Variants in ADAMTSL1 observed in about 807,000 individuals in gnomAD.
ADAMTSL1 encodes ADAMTS-like protein 1.
Under a neutral mutation model 201.8 loss-of-function variants are expected in ADAMTSL1, and 126 were observed. The ratio of observed to expected loss-of-function variants is 0.62; its 90% CI spans 0.54 to 0.72. The LOEUF is 0.72. ADAMTSL1 is among the 30% of genes least tolerant of loss of function. The pLI is 0.00. For missense variants in ADAMTSL1, 2,679 were observed against 2,277.8 expected (o/e 1.18, Z -3.59); for synonymous variants, 1,121 against 903.4 (o/e 1.24, Z -4.32).
At chr9:18,316,615 G>C (rs1834406141) in intron 2 of ADAMTSL1, among the ~76,000 whole-genome samples, 1 of 152,118 alleles carries the variant, frequency 6.6e-6, no homozygotes, top group Admixed American at 6.5e-5. Context: ...AACAACTGCT[G>C]TTATCCTGTT....
chr9:17,957,659 C>A (rs1827982070), intron 1 of ADAMTSL1, among the ~76,000 whole-genome samples: 1 of 152,122 alleles, frequency 6.6e-6, no homozygotes. Flanking sequence ...CAGAATGTGA[C>A]CTTATTTGGA....
chr9:18,369,925 A>G (rs1298391020), intron 2 of ADAMTSL1, among the ~76,000 whole-genome samples: 1 of 152,204 alleles, frequency 6.6e-6, no homozygotes, highest in Admixed American at 6.5e-5. Flanking sequence ...CAAATACTAA[A>G]TGTTCTCACT....
At chr9:18,332,384 T>G (rs902391392) in intron 2 of ADAMTSL1, among the ~76,000 whole-genome samples, 4 of 152,188 alleles carry the variant, frequency 2.6e-5, no homozygotes, top group African/African-American at 9.6e-5. Flanking sequence ...ATTATCTGCA[T>G]GCCCCATTTT....
At chr9:18,611,314 G>A (rs777992748) in intron 4 of ADAMTSL1, among the ~76,000 whole-genome samples, 10 of 152,078 alleles carry the variant, frequency 6.6e-5, no homozygotes, top group Non-Finnish European at 1.2e-4. Context: ...ATTTTGTTTC[G>A]CATTCTCCAG....
chr9:18,387,634 AT>A (rs1225130636), intron 2 of ADAMTSL1, among the ~76,000 whole-genome samples: 1 of 151,446 alleles, frequency 6.6e-6, no homozygotes, highest in African/African-American at 2.4e-5. Context: ...GTTCTAGTTT[AT>A]TTATTTTCAT....
chr9:18,789,683 AACAG>A (rs1041853236), intron 19 of ADAMTSL1, among the ~76,000 whole-genome samples: 68 of 152,296 alleles, frequency 4.5e-4, no homozygotes, highest in African/African-American at 1.5e-3. Flanking sequence ...TAGATCAGGA[AACAG>A]ACAGATTCTT....
chr9:18,123,260 G>C (rs540417886), intron 1 of ADAMTSL1, among the ~76,000 whole-genome samples: 1 of 152,136 alleles, frequency 6.6e-6, no homozygotes, highest in Non-Finnish European at 1.5e-5. Context: ...ATGCATTTCA[G>C]TTTTCATCAC....
At chr9:18,496,955 A>G (rs185028527) in intron 1 of ADAMTSL1, among the ~76,000 whole-genome samples, 8 of 152,302 alleles carry the variant, frequency 5.3e-5, no homozygotes, top group Admixed American at 5.2e-4. Flanking sequence ...AAGAGCAGAG[A>G]GAGAATTTCG....
chr9:17,984,846 G>A (rs966752315), intron 1 of ADAMTSL1, among the ~76,000 whole-genome samples: 1 of 151,960 alleles, frequency 6.6e-6, no homozygotes, highest in East Asian at 1.9e-4. Flanking sequence ...AGAGTTTGGG[G>A]GCCTGGGTCA....
intron 1 of ADAMTSL1, among the ~76,000 whole-genome samples, chr9:18,501,532 A>G (rs1301719930): frequency 6.6e-6 from 1 of 151,156 alleles, no homozygotes; most frequent in Non-Finnish European, 1.5e-5. Flanking sequence ...AAAGTAAAAG[A>G]GAAGAGAAAT....
intron 2 of ADAMTSL1, among the ~76,000 whole-genome samples, chr9:18,401,950 T>C (rs1818003268): frequency 6.6e-6 from 1 of 152,198 alleles, no homozygotes; most frequent in African/African-American, 2.4e-5. Flanking sequence ...AATGTGCATA[T>C]ATCATATACA....
intron 2 of ADAMTSL1, among the ~76,000 whole-genome samples, chr9:18,352,272 T>C (rs1187268767): frequency 1.3e-5 from 2 of 152,168 alleles, no homozygotes; most frequent in Non-Finnish European, 2.9e-5. Context: ...CAGTGAATTG[T>C]ACAGGATTTC....
chr9:18,492,897 CTG>C (rs1229875950), intron 1 of ADAMTSL1, among the ~76,000 whole-genome samples: 2 of 152,170 alleles, frequency 1.3e-5, no homozygotes, highest in Non-Finnish European at 2.9e-5. Flanking sequence ...GTTGCCTAGA[CTG>C]TGTCCCTGTT....
chr9:18,868,825 T>C (rs1260919270), intron 23 of ADAMTSL1, among the ~76,000 whole-genome samples: 1 of 152,216 alleles, frequency 6.6e-6, no homozygotes, highest in Non-Finnish European at 1.5e-5. Context: ...TCAAACTCTC[T>C]TCTTTGTCTC....
Position 18,887,911 on chromosome 9 carries a change from A to C in ADAMTSL1, c.4330A>C (p.Thr1444Pro). ...GQPIVTATGLTHHILAAGQIL... is the reference protein window; with the variant it reads ...GQPIVTATGLPHHILAAGQIL... ...GCCAATTGTCACTGCCACAGGACTG[A>C]CGCATCACATCTTGGCAGCTGGACA... The change falls in exon 24 of 29, where the codon ACG becomes CCG. Residue 1444 changes from threonine to proline, a missense_variant. Coordinates refer to ENST00000380548, the MANE Select transcript of ADAMTSL1 (RefSeq NM_001040272.6). The C allele has an allele frequency of 1.2e-6, 2 of 1,613,994 alleles. No individual in the cohort carries two copies. Among genetic ancestry groups the C allele is most frequent in the Non-Finnish European group, 1.7e-6 (2 of 1,179,898 alleles).
intron 26 of ADAMTSL1, among the ~76,000 whole-genome samples, chr9:18,895,981 G>A (rs12004183): frequency 0.023 from 3,515 of 152,216 alleles, 99 homozygotes; most frequent in South Asian, 0.087. Context: ...TTTTACTGGC[G>A]GGATTCAACA....
intron 4 of ADAMTSL1, among the ~76,000 whole-genome samples, chr9:18,581,305 A>G (rs189499737): frequency 6.6e-6 from 1 of 152,284 alleles, no homozygotes; most frequent in Non-Finnish European, 1.5e-5. Context: ...CGGATTATGA[A>G]TTCATCTCAA....
intron 3 of ADAMTSL1, among the ~76,000 whole-genome samples, chr9:18,556,224 A>G (rs1053716053): frequency 2.0e-5 from 3 of 151,980 alleles, no homozygotes; most frequent in African/African-American, 4.8e-5. Context: ...CTGTAATTCT[A>G]TCATTATAAT....
chr9:18,870,461 C>T (rs1004027970), intron 23 of ADAMTSL1, among the ~76,000 whole-genome samples: 5 of 152,204 alleles, frequency 3.3e-5, no homozygotes, highest in African/African-American at 1.2e-4. Flanking sequence ...TTAGCTTCTA[C>T]CTGCTGCTCT....
Sources: allele counts gnomAD v4.1 joint callset (sites outside exome capture counted in the v4.1 genomes callset), GRCh38; gene constraint gnomAD v4.1.1; transcripts MANE v1.5; gene names NCBI Gene and HGNC (gene_info 2026-07-23, HGNC 2026-07-21).